The following ROBO2 variants were observed in gnomAD, a reference collection of about 807,000 sequenced individuals.
ROBO2 encodes roundabout homolog 2.
Under a neutral mutation model 160.8 loss-of-function variants are expected in ROBO2, and 53 were observed. The ratio of observed to expected loss-of-function variants is 0.33; its 90% confidence interval spans 0.26 to 0.41. The LOEUF is 0.41. Ranked by LOEUF, ROBO2 falls within the 10% of genes least tolerant of loss-of-function variation. The pLI, the probability that ROBO2 is intolerant of heterozygous loss-of-function variation, is 1.00. For synonymous variants in ROBO2, 664 were observed against 611.7 expected (o/e 1.09, Z -1.26); for missense variants, 1,577 against 1,722.4 (o/e 0.92, Z 1.49).
At chr3:75,909,751 C>T (rs1252949111) in intron 1 of ROBO2, among the ~76,000 whole-genome samples, 1 of 152,120 alleles carries the variant, frequency 6.6e-6, no homozygotes, top group African/African-American at 2.4e-5. Flanking sequence ...CTAAACAATG[C>T]CCTATATTTC....
At chr3:76,141,739 T>C (rs2071678358) in intron 2 of ROBO2, among the ~76,000 whole-genome samples, 1 of 151,936 alleles carries the variant, frequency 6.6e-6, no homozygotes. Flanking sequence ...AGTGTGGGCA[T>C]AGGGGGAATG....
At chr3:76,328,908 TTATATATA>T (rs201466987) in intron 2 of ROBO2, among the ~76,000 whole-genome samples, 57 of 136,022 alleles carry the variant, frequency 4.2e-4, no homozygotes, top group African/African-American at 1.4e-3. Context: ...ATTTATGTTA[TTATATATA>T]TATATATATA....
intron 6 of ROBO2, among the ~76,000 whole-genome samples, chr3:77,543,750 A>G (rs2092581632): frequency 6.7e-6 from 1 of 150,034 alleles, no homozygotes; most frequent in South Asian, 2.1e-4. Context: ...ATATATTTTA[A>G]AAGTTTGTAA....
intron 2 of ROBO2, among the ~76,000 whole-genome samples, chr3:77,139,851 T>C (rs2076565632): frequency 6.6e-6 from 1 of 152,166 alleles, no homozygotes; most frequent in Non-Finnish European, 1.5e-5. Context: ...CAAAGGTCAA[T>C]CATTTTCCCA....
intron 2 of ROBO2, among the ~76,000 whole-genome samples, chr3:77,191,225 T>C (rs2081814998): frequency 6.6e-6 from 1 of 152,164 alleles, no homozygotes; most frequent in African/African-American, 2.4e-5. Context: ...GAGTATATTA[T>C]TTCATTTAAT....
chr3:76,993,211 C>G (rs1442727537), intron 2 of ROBO2, among the ~76,000 whole-genome samples: 1 of 152,152 alleles, frequency 6.6e-6, no homozygotes, highest in Non-Finnish European at 1.5e-5. Context: ...CAGTCAATCT[C>G]CTGTTGATCA....
chr3:76,664,561 G>A (rs1348784021), intron 2 of ROBO2, among the ~76,000 whole-genome samples: 1 of 152,152 alleles, frequency 6.6e-6, no homozygotes, highest in Non-Finnish European at 1.5e-5. Context: ...AGATAAATAT[G>A]CAAAACTTAT....
chr3:77,623,332 G>A (rs957764887), intron 23 of ROBO2, among the ~76,000 whole-genome samples: 12 of 152,086 alleles, frequency 7.9e-5, no homozygotes, highest in African/African-American at 1.9e-4. Context: ...TGTATTTACC[G>A]TGATGACATC....
At chr3:77,042,813 T>A (rs1446316231) in intron 1 of ROBO2, among the ~76,000 whole-genome samples, 1 of 152,104 alleles carries the variant, frequency 6.6e-6, no homozygotes, top group East Asian at 1.9e-4. Context: ...TTGTTCTGAT[T>A]TAACATTGTA....
chr3:77,275,058 A>ACC (rs1475160619), intron 2 of ROBO2, among the ~76,000 whole-genome samples: 4 of 152,118 alleles, frequency 2.6e-5, no homozygotes, highest in Admixed American at 2.6e-4. Flanking sequence ...TAGAGAAATA[A>ACC]CTGCATCATT....
chr3:76,458,863 AG>A (rs1463804828), intron 2 of ROBO2, among the ~76,000 whole-genome samples: 1 of 152,154 alleles, frequency 6.6e-6, no homozygotes, highest in East Asian at 1.9e-4. Context: ...GGGAAAGACC[AG>A]CCCCCATGAT....
chr3:77,097,374 T>C (rs1026168847), intron 1 of ROBO2, among the ~76,000 whole-genome samples: 3 of 152,188 alleles, frequency 2.0e-5, no homozygotes, highest in East Asian at 3.9e-4. Context: ...CTGCCTATAG[T>C]GCATTTCTTA....
chr3:76,518,409 C>G (rs571620460), intron 2 of ROBO2, among the ~76,000 whole-genome samples: 1 of 152,018 alleles, frequency 6.6e-6, no homozygotes, highest in Non-Finnish European at 1.5e-5. Context: ...TCATGATTCC[C>G]ACATTCCAGA....
At chr3:76,378,142 T>G (rs985680858) in intron 2 of ROBO2, among the ~76,000 whole-genome samples, 1 of 152,180 alleles carries the variant, frequency 6.6e-6, no homozygotes, top group Non-Finnish European at 1.5e-5. Context: ...TTAACTTCCA[T>G]GTTGTGATTA....
At chr3:76,089,169 T>C (rs1240816554) in intron 2 of ROBO2, among the ~76,000 whole-genome samples, 1 of 152,066 alleles carries the variant, frequency 6.6e-6, no homozygotes, top group Non-Finnish European at 1.5e-5. Context: ...CTTATATCCA[T>C]TAAGGAAATT....
intron 2 of ROBO2, among the ~76,000 whole-genome samples, chr3:77,109,807 G>A (rs1318507198): frequency 5.3e-5 from 8 of 152,172 alleles, no homozygotes. Flanking sequence ...TAATTACTAT[G>A]CTAAGCATCC....
intron 2 of ROBO2, among the ~76,000 whole-genome samples, chr3:76,852,780 T>C (rs926612452): frequency 6.6e-6 from 1 of 152,212 alleles, no homozygotes; most frequent in African/African-American, 2.4e-5. Context: ...CATTGGTAGA[T>C]GCATCTTTCA....
At chr3:76,163,834 C>A (rs908816522) in intron 2 of ROBO2, among the ~76,000 whole-genome samples, 2 of 151,852 alleles carry the variant, frequency 1.3e-5, no homozygotes, top group Non-Finnish European at 2.9e-5. Flanking sequence ...CATACCTCTA[C>A]GTTGATGTCA....
Position 76,426,875 on chromosome 3 carries a change from G to T in ROBO2, c.109+489273G>T, listed in dbSNP as rs940607068. Among the ~76,000 whole-genome samples, 3 of 152,074 alleles carry T rather than the reference G, an allele frequency of 2.0e-5. No homozygotes were observed. The East Asian group carries it at 5.8e-4, about 29-fold the overall frequency. On this transcript the variant is annotated intron_variant, in intron 2 of 26. Transcript: ENST00000487694. ...AAATATATTTGAGATATCACTGAAT[G>T]ATTAAAGGGTCCATACCCAGTTATA...
Sources: allele counts gnomAD v4.1 joint callset (sites outside exome capture counted in the v4.1 genomes callset), GRCh38; gene constraint gnomAD v4.1.1; transcripts MANE v1.5; gene names NCBI Gene and HGNC (gene_info 2026-07-23, HGNC 2026-07-21).